Variants in CCDC63 observed in about 807,000 individuals in gnomAD.
The protein encoded by CCDC63 is coiled-coil domain containing 63, also known as coiled-coil domain-containing protein 63.
In CCDC63, 54 loss-of-function variants were observed where a neutral mutation model predicts 63.6. The observed-to-expected ratio is 0.85, with a 90% CI of 0.68 to 1.07. The LOEUF (loss-of-function observed/expected upper bound fraction) is 1.07. CCDC63 is among the 50% of genes least tolerant of loss of function. The probability of loss-of-function intolerance (pLI) is 0.00; values close to 1 mark genes in which losing one functional copy is unlikely to be tolerated. For missense variants in CCDC63, 637 were observed against 689.6 expected (o/e 0.92, Z 0.86); for synonymous variants, 253 against 266.1 (o/e 0.95, Z 0.48).
intron 4 of CCDC63, among the ~76,000 whole-genome samples, chr12:110,864,257 CCT>C (rs2070905275): frequency 2.0e-5 from 3 of 152,176 alleles, no homozygotes; most frequent in African/African-American, 7.2e-5. Context: ...CTGGTTATAA[CCT>C]CTTAGTCCGT....
At chr12:110,905,304 G>A (rs2071545629) in intron 11 of CCDC63, among the ~76,000 whole-genome samples, 5 of 151,998 alleles carry the variant, frequency 3.3e-5, no homozygotes, top group African/African-American at 7.3e-5. Flanking sequence ...TGCCAGAAGC[G>A]AAATGGTCAA....
chr12:110,905,412 A>C (rs992727357), intron 11 of CCDC63, among the ~76,000 whole-genome samples: 4 of 152,116 alleles, frequency 2.6e-5, no homozygotes, highest in African/African-American at 9.7e-5. Context: ...TTCACTCTGA[A>C]GGTGGGAATC....
intron 4 of CCDC63, among the ~76,000 whole-genome samples, chr12:110,871,695 G>C (rs1365746758): frequency 6.6e-6 from 1 of 151,798 alleles, no homozygotes; most frequent in African/African-American, 2.4e-5. Context: ...ACAGCTCAAT[G>C]AACTGATACT....
At chr12:110,901,778 A>G (rs1471406527) in intron 10 of CCDC63, among the ~76,000 whole-genome samples, 1 of 151,948 alleles carries the variant, frequency 6.6e-6, no homozygotes, top group African/African-American at 2.4e-5. Context: ...TTTTTTGTAC[A>G]TATACATCAT....
At chr12:110,862,708 G>C (rs1284493819) in intron 4 of CCDC63, among the ~76,000 whole-genome samples, 1 of 152,032 alleles carries the variant, frequency 6.6e-6, no homozygotes, top group Non-Finnish European at 1.5e-5. Context: ...TGCCGCCCTT[G>C]TGGATAGGAA....
intron 11 of CCDC63, among the ~76,000 whole-genome samples, chr12:110,905,817 C>T (rs1233644875): frequency 7.9e-6 from 1 of 126,836 alleles, no homozygotes; most frequent in Non-Finnish European, 1.6e-5. Flanking sequence ...CACACACATG[C>T]GTGTGTACAC....
chr12:110,901,803 T>A (rs2071491430), intron 10 of CCDC63, among the ~76,000 whole-genome samples: 1 of 152,040 alleles, frequency 6.6e-6, no homozygotes, highest in African/African-American at 2.4e-5. Context: ...ATGTACCACA[T>A]TTTCTTTCTC....
At chr12:110,853,181 C>T (rs2070728032) in intron 2 of CCDC63, among the ~76,000 whole-genome samples, 1 of 152,102 alleles carries the variant, frequency 6.6e-6, no homozygotes, top group Non-Finnish European at 1.5e-5. Context: ...AGAATACCCT[C>T]CCCTCACCAC....
intron 8 of CCDC63, among the ~76,000 whole-genome samples, chr12:110,891,390 C>A (rs1239441802): frequency 6.6e-6 from 1 of 152,004 alleles, no homozygotes; most frequent in Non-Finnish European, 1.5e-5. Context: ...GTGGCTCACA[C>A]CTGTAATTCC....
rs1018834861 is a variant in CCDC63 at position 110,884,123 on chromosome 12, G to A, written c.947G>A (p.Ser316Asn). 1 of 1,614,178 alleles carries A rather than the reference G, an allele frequency of 6.2e-7. No individual in the cohort carries two copies. The highest frequency in any genetic ancestry group is 8.5e-7 in the Non-Finnish European group (1 of 1,180,010). The part of the protein sequence containing the change: ...AHLRLLKLAE[S>N]GNLNQLIEDF... Reference sequence around the variant, plus strand: ...CTCCGGCTGCTGAAGCTGGCTGAGAGTGGGAACCTAAACCAGCTCATTGAA... The same window carrying A: ...CTCCGGCTGCTGAAGCTGGCTGAGAATGGGAACCTAAACCAGCTCATTGAA... The change falls in exon 8 of 12, where the codon AGT becomes AAT. Residue 316 changes from serine (S) to asparagine (N), a missense_variant. By Grantham distance (46) the Ser-to-Asn change is conservative. Transcript: ENST00000308208.
chr12:110,887,119 A>T (rs7303257), intron 8 of CCDC63, among the ~76,000 whole-genome samples: 55,999 of 151,700 alleles, frequency 0.37, 10,778 homozygotes, highest in African/African-American at 0.47. Flanking sequence ...CTTTTTTTTT[A>T]AATTTTCTTT....
At chr12:110,882,706 G>C (rs953310883) in intron 7 of CCDC63, among the ~76,000 whole-genome samples, 11 of 151,000 alleles carry the variant, frequency 7.3e-5, no homozygotes, top group African/African-American at 2.7e-4. Flanking sequence ...AGGTGTTTGG[G>C]ATAAACTGCT....
At chr12:110,874,661 T>C (rs2071108563) in intron 5 of CCDC63, among the ~76,000 whole-genome samples, 1 of 152,230 alleles carries the variant, frequency 6.6e-6, no homozygotes, top group African/African-American at 2.4e-5. Context: ...GAAACATCTT[T>C]TTCCTAAGAG....
At position 110,884,104 on chromosome 12, in the gene CCDC63, C is replaced by A. The variant is rs151096735; in HGVS notation, c.928C>A (p.Leu310Met). 1.5e-4 allele frequency: 236 copies of A among 1,614,158 alleles called. No individual in the cohort carries two copies. The Middle Eastern group carries it at 2.0e-3, about 14-fold the overall frequency. ...FESYEVAHLR[L>M]LKLAESGNLN... ...GAGCTATGAGGTGGCCCACCTCCGG[C>A]TGCTGAAGCTGGCTGAGAGTGGGAA... Residue 310 changes from leucine to methionine, a missense_variant, in exon 8 of 12, where the codon CTG (leucine) becomes ATG (methionine). Transcript: ENST00000308208.
intron 4 of CCDC63, among the ~76,000 whole-genome samples, chr12:110,867,254 C>T (rs1298469203): frequency 6.1e-4 from 63 of 103,148 alleles, no homozygotes; most frequent in East Asian, 1.3e-3. Context: ...CCGGACGGGG[C>T]GGCTGGCCGG....
At chr12:110,880,898 G>A (rs1420505547) in intron 6 of CCDC63, among the ~76,000 whole-genome samples, 2 of 151,588 alleles carry the variant, frequency 1.3e-5, no homozygotes, top group African/African-American at 4.9e-5. Flanking sequence ...TGAAGGCAAT[G>A]ATGATGATAA....
chr12:110,886,808 G>A (rs1208080986), intron 8 of CCDC63, among the ~76,000 whole-genome samples: 1 of 152,156 alleles, frequency 6.6e-6, no homozygotes, highest in Non-Finnish European at 1.5e-5. Context: ...AGACTTGAAG[G>A]ACCCTCATGC....
intron 9 of CCDC63, among the ~76,000 whole-genome samples, chr12:110,894,668 C>G (rs946561757): frequency 2.0e-5 from 3 of 152,174 alleles, no homozygotes; most frequent in African/African-American, 7.2e-5. Context: ...AGACCCTCCC[C>G]AAGCTGGGCA....
At chr12:110,871,136 G>GTTATTT (rs1228999754) in intron 4 of CCDC63, among the ~76,000 whole-genome samples, 1 of 152,030 alleles carries the variant, frequency 6.6e-6, no homozygotes. Flanking sequence ...TAGGACAGTG[G>GTTATTT]TTATTTTTAT....
Sources: gnomAD v4.1 joint callset for allele counts (sites outside exome capture counted in the v4.1 genomes callset) on GRCh38, gnomAD v4.1.1 for gene constraint, MANE v1.5 for transcripts, NCBI Gene and HGNC (gene_info 2026-07-23, HGNC 2026-07-21) for gene names.